The following TRAK1 variants were observed in gnomAD, a reference collection of about 807,000 sequenced individuals.
TRAK1 encodes the protein trafficking kinesin protein 1.
A neutral mutation model predicts 92.1 loss-of-function variants in TRAK1; 33 were observed. The ratio of observed to expected loss-of-function variants is 0.36; its 90% CI spans 0.27 to 0.48. The LOEUF is 0.48. Among genes scored for constraint, TRAK1 ranks in the 20% least tolerant of loss-of-function variants. The probability of loss-of-function intolerance (pLI) is 0.99; values close to 1 mark genes in which losing one functional copy is unlikely to be tolerated. For missense variants in TRAK1, 1,123 were observed against 1,257.9 expected, an observed-to-expected ratio of 0.89 and a Z score of 1.62; for synonymous variants, 521 against 517.3, an observed-to-expected ratio of 1.01 and a Z score of -0.10.
upstream of TRAK1, chr3:42,091,196 T>A (rs1303964188): frequency 2.4e-6 from 1 of 411,406 alleles, no homozygotes; most frequent in African/African-American, 2.1e-5. Context: ...CTACTCCCCT[T>A]CCCCCAACCT....
intron 2 of TRAK1, among the ~76,000 whole-genome samples, chr3:42,147,218 CTT>C (rs1046884110): frequency 2.0e-5 from 3 of 152,156 alleles, no homozygotes; most frequent in African/African-American, 7.2e-5. Flanking sequence ...TTTCTGCTGA[CTT>C]TAAATAGTCA....
At chr3:42,153,672 G>GCGCTC (rs1375946762) in intron 2 of TRAK1, among the ~76,000 whole-genome samples, 1 of 152,162 alleles carries the variant, frequency 6.6e-6, no homozygotes, top group Non-Finnish European at 1.5e-5. Flanking sequence ...GCAGTCTGGT[G>GCGCTC]CGCTCTGTTC....
At chr3:42,213,613 C>T (rs997975876) in intron 14 of TRAK1, among the ~76,000 whole-genome samples, 5 of 152,212 alleles carry the variant, frequency 3.3e-5, no homozygotes, top group Admixed American at 2.6e-4. Flanking sequence ...CAGCTTTGCC[C>T]GGGCGGGGCA....
At chr3:42,145,630 TTTG>T (rs1428806739) in intron 2 of TRAK1, 1 of 153,194 alleles carries the variant, frequency 6.5e-6, no homozygotes, top group African/African-American at 2.4e-5. Context: ...GTTACTTGAT[TTTG>T]TTTACATCTG....
intron 1 of TRAK1, among the ~76,000 whole-genome samples, chr3:42,065,127 C>A (rs1703624851): frequency 6.6e-6 from 1 of 152,066 alleles, no homozygotes; most frequent in Non-Finnish European, 1.5e-5. Context: ...ATGCACACAC[C>A]TGTAACCCCA....
At chr3:42,075,411 G>A (rs1005760452) in intron 1 of TRAK1, among the ~76,000 whole-genome samples, 2 of 151,440 alleles carry the variant, frequency 1.3e-5, no homozygotes, top group Non-Finnish European at 2.9e-5. Context: ...TGAACTCCTG[G>A]GCTCAAGTGC....
chr3:42,196,389 G>C (rs1016933145), intron 10 of TRAK1, among the ~76,000 whole-genome samples: 2 of 152,072 alleles, frequency 1.3e-5, no homozygotes, highest in African/African-American at 4.8e-5. Context: ...ACGAAATTTG[G>C]GGGGGGCCTG....
intron 2 of TRAK1, 133 bp from the exon 3 acceptor site, chr3:42,176,681 G>T (rs1193787368): frequency 2.6e-6 from 2 of 774,828 alleles, no homozygotes; most frequent in Non-Finnish European, 4.5e-6. Context: ...TACATTGCGG[G>T]TTGAACCCAG....
At chr3:42,020,667 TAAG>T (rs1490882874) in intron 1 of TRAK1, among the ~76,000 whole-genome samples, 3 of 152,234 alleles carry the variant, frequency 2.0e-5, no homozygotes, top group Non-Finnish European at 4.4e-5. Flanking sequence ...CATTGGGTCA[TAAG>T]ACATATGTTC....
chr3:42,019,444 T>C (rs1296306583), intron 1 of TRAK1, among the ~76,000 whole-genome samples: 1 of 152,142 alleles, frequency 6.6e-6, no homozygotes, highest in Non-Finnish European at 1.5e-5. Context: ...TTCTTTTCTT[T>C]TTTAAATTTT....
Position 42,224,396 on chromosome 3 carries a change from A to G in TRAK1, c.*659A>G, listed in dbSNP as rs1386104776. On this transcript the variant is annotated 3_prime_UTR_variant, in exon 16 of 16. Transcript: ENST00000327628. ...TGAAGTCATCCTGTGTTTTGTAATC[A>G]GCTGTCAGGCCAAATGTCTGACCCG... 1 of 255,148 alleles carries G rather than the reference A, an allele frequency of 3.9e-6. No homozygotes were observed. Among genetic ancestry groups the G allele is most frequent in the Non-Finnish European group, 7.6e-6 (1 of 131,150 alleles). 15.8% of individuals were successfully genotyped at this position (255,148 alleles called of 1,614,324 possible).
intron 4 of TRAK1, 145 bp from the exon 5 acceptor site, chr3:42,187,900 G>C (rs1181651379): frequency 5.7e-6 from 4 of 704,666 alleles, no homozygotes; most frequent in Non-Finnish European, 1.0e-5. Flanking sequence ...TTTTTGAATA[G>C]CACAAAATCA....
intron 2 of TRAK1, 136 bp from the exon 3 acceptor site, chr3:42,176,678 C>T (rs11921867): frequency 3.1e-5 from 23 of 744,844 alleles, no homozygotes; most frequent in African/African-American, 2.9e-4. Flanking sequence ...GAGTACATTG[C>T]GGGTTGAACC....
chr3:42,104,845 A>G (rs777725348), intron 1 of TRAK1, among the ~76,000 whole-genome samples: 1 of 152,040 alleles, frequency 6.6e-6, no homozygotes, highest in African/African-American at 2.4e-5. Context: ...TGGACAGAGA[A>G]TGACTTTGAC....
intron 14 of TRAK1, among the ~76,000 whole-genome samples, chr3:42,214,245 C>T (rs577590288): frequency 6.6e-6 from 1 of 152,262 alleles, no homozygotes; most frequent in Admixed American, 6.5e-5. Context: ...TGAGGGAGCA[C>T]CCTGTGTTGA....
chr3:42,149,726 C>T, intron 2 of TRAK1: 1 of 1,231,202 alleles, frequency 8.1e-7, no homozygotes, highest in Middle Eastern at 2.2e-4. Flanking sequence ...GAACTAGCAC[C>T]ACTGGCTCTG....
At chr3:42,156,723 T>C (rs1343170085) in intron 2 of TRAK1, among the ~76,000 whole-genome samples, 1 of 152,186 alleles carries the variant, frequency 6.6e-6, no homozygotes, top group Non-Finnish European at 1.5e-5. Context: ...AAACTGGTGG[T>C]CTCAAAGTAT....
At chr3:42,116,057 T>C (rs1202617959) in intron 1 of TRAK1, among the ~76,000 whole-genome samples, 1 of 152,266 alleles carries the variant, frequency 6.6e-6, no homozygotes, top group Non-Finnish European at 1.5e-5. Flanking sequence ...TGCTTTGCGT[T>C]GTTCAGCAAA....
At chr3:42,039,315 T>C (rs1280457897) in intron 1 of TRAK1, among the ~76,000 whole-genome samples, 3 of 152,242 alleles carry the variant, frequency 2.0e-5, no homozygotes, top group Non-Finnish European at 4.4e-5. Flanking sequence ...TACCACATTT[T>C]ATTTTCCATT....
Sources: allele counts gnomAD v4.1 joint callset (sites outside exome capture counted in the v4.1 genomes callset), GRCh38; gene constraint gnomAD v4.1.1; transcripts MANE v1.5; gene names NCBI Gene and HGNC (gene_info 2026-07-23, HGNC 2026-07-21).